Variants in RSRC1 observed in about 807,000 individuals in gnomAD.
The protein encoded by RSRC1 is arginine and serine rich coiled-coil 1, also known as serine/Arginine-related protein 53.
RSRC1 carries 39 observed loss-of-function variants against 49.1 expected under a neutral mutation model. That is an observed-to-expected ratio of 0.79 (90% CI 0.61 to 1.04). The LOEUF is 1.04. RSRC1 is among the 50% of genes least tolerant of loss of function. RSRC1 has a pLI of 0.00. For missense variants in RSRC1, 388 were observed against 402.4 expected, an observed-to-expected ratio of 0.96 and a Z score of 0.31; for synonymous variants, 143 against 130.8, an observed-to-expected ratio of 1.09 and a Z score of -0.63.
chr3:158,476,500 G>T lies in RSRC1; in HGVS notation c.652+15497G>T, dbSNP rs547267583. 1.2e-4 allele frequency among the ~76,000 whole-genome samples: 19 copies of T among 152,204 alleles called. No homozygotes were observed. In the South Asian group the frequency reaches 3.9e-3, roughly 32 times the overall value. On this transcript the variant is annotated intron_variant, in intron 7 of 9. Coordinates refer to ENST00000611884, the MANE Select transcript of RSRC1 (RefSeq NM_001271838.2). ...TGGTGACTTTAAGTTTGAAGCCAGT[G>T]CTCATTTCCCATTCCAAAAATCCTA... is the stretch of plus-strand genomic sequence containing the variant.
At chr3:158,453,377 G>A (rs957424790) in intron 6 of RSRC1, among the ~76,000 whole-genome samples, 14 of 134,454 alleles carry the variant, frequency 1.0e-4, no homozygotes, top group African/African-American at 2.7e-4. Flanking sequence ...TGTGTAGCCC[G>A]GAACCTTTTT....
chr3:158,253,803 TTG>T, intron 4 of RSRC1, among the ~76,000 whole-genome samples: 1 of 152,248 alleles, frequency 6.6e-6, no homozygotes, highest in East Asian at 1.9e-4. Flanking sequence ...TCCAGGGTAC[TTG>T]TGCAGAATAT....
chr3:158,304,722 C>G (rs1321181791), intron 5 of RSRC1, among the ~76,000 whole-genome samples: 2 of 152,208 alleles, frequency 1.3e-5, no homozygotes, highest in East Asian at 3.9e-4. Context: ...ATATTTTTCT[C>G]ACCTAAGACA....
chr3:158,441,449 GT>G (rs139663164), intron 6 of RSRC1, among the ~76,000 whole-genome samples: 20 of 149,024 alleles, frequency 1.3e-4, no homozygotes, highest in East Asian at 5.9e-4. Flanking sequence ...TATCAGTAGG[GT>G]TTTTTTTTTA....
intron 7 of RSRC1, among the ~76,000 whole-genome samples, chr3:158,516,306 C>A (rs1332878311): frequency 6.6e-6 from 1 of 151,966 alleles, no homozygotes; most frequent in South Asian, 2.1e-4. Flanking sequence ...TGTTAGTTTT[C>A]CTTCTAACAG....
At chr3:158,333,145 T>G (rs1729657009) in intron 5 of RSRC1, among the ~76,000 whole-genome samples, 1 of 152,270 alleles carries the variant, frequency 6.6e-6, no homozygotes, top group East Asian at 1.9e-4. Flanking sequence ...ATTTTTTGTA[T>G]TTTTAGTAGA....
intron 3 of RSRC1, among the ~76,000 whole-genome samples, chr3:158,147,969 A>G (rs1717252206): frequency 6.6e-6 from 1 of 152,222 alleles, no homozygotes; most frequent in Non-Finnish European, 1.5e-5. Flanking sequence ...CAATAACTAT[A>G]AAATTTTCTA....
At chr3:158,427,527 G>A (rs184767323) in intron 6 of RSRC1, among the ~76,000 whole-genome samples, 1 of 151,844 alleles carries the variant, frequency 6.6e-6, no homozygotes, top group African/African-American at 2.4e-5. Context: ...TAATCAGATT[G>A]ATTTCGCTTG....
At chr3:158,530,894 TAA>T (rs371856421) in intron 7 of RSRC1, among the ~76,000 whole-genome samples, 25 of 77,684 alleles carry the variant, frequency 3.2e-4, no homozygotes, top group East Asian at 1.0e-3. Context: ...TAGAGTATAA[TAA>T]AAAAAAAAAT....
intron 6 of RSRC1, among the ~76,000 whole-genome samples, chr3:158,460,456 C>T (rs6806967): frequency 0.19 from 28,413 of 151,650 alleles, 3,049 homozygotes; most frequent in South Asian, 0.27. Context: ...CAAATGCTGT[C>T]ATAACATGAA....
rs144812978 is a variant in RSRC1 at position 158,507,628 on chromosome 3, G to C, written c.653-29464G>C. Among the ~76,000 whole-genome samples the C allele has an allele frequency of 3.1e-3, 465 of 152,224 alleles. 3 individuals are homozygous for C. The highest frequency in any genetic ancestry group is 0.011 in the African/African-American group (449 of 41,524). On this transcript the variant is annotated intron_variant, in intron 7 of 9. Coordinates refer to ENST00000611884, the MANE Select transcript of RSRC1 (RefSeq NM_001271838.2). ...GCAGCATCTTGAAAGTTGATGGCCT[G>C]TCTTATGTATGAAATAAAATGTGAC...
chr3:158,243,520 G>A (rs1202874269), intron 4 of RSRC1, among the ~76,000 whole-genome samples: 1 of 152,072 alleles, frequency 6.6e-6, no homozygotes, highest in Admixed American at 6.6e-5. Context: ...GATTGCCTTG[G>A]CTATTGCAGC....
intron 6 of RSRC1, among the ~76,000 whole-genome samples, chr3:158,425,063 T>TA (rs1735330242): frequency 6.6e-6 from 1 of 151,680 alleles, no homozygotes; most frequent in Non-Finnish European, 1.5e-5. Flanking sequence ...GAAGGGTTTT[T>TA]TGTGTCTCTA....
At chr3:158,304,423 C>G (rs1430351305) in intron 5 of RSRC1, among the ~76,000 whole-genome samples, 1 of 152,036 alleles carries the variant, frequency 6.6e-6, no homozygotes, top group African/African-American at 2.4e-5. Context: ...TTTGGGGATT[C>G]AGTTAATATA....
At chr3:158,517,596 CTT>C (rs11341682) in intron 7 of RSRC1, among the ~76,000 whole-genome samples, 174 of 143,992 alleles carry the variant, frequency 1.2e-3, no homozygotes, top group African/African-American at 1.7e-3. Flanking sequence ...TTTTGTTAGA[CTT>C]TTTTTTTTTT....
Position 158,543,458 on chromosome 3 carries a change from CA to C in RSRC1, c.885del (p.Asp296MetfsTer25), listed in dbSNP as rs1013295652. 6.2e-7 allele frequency: 1 copy of C among 1,609,800 alleles called. No individual in the cohort carries two copies. The highest frequency in any genetic ancestry group is 8.5e-7 in the Non-Finnish European group (1 of 1,178,068). Reference protein sequence around the residue: ...PTSIPTAIKYQDDNSLAHPNL... With the variant: ...PTSIPTAIKYXDDNSLAHPNL... ...CAGCATCCCTACTGCTATCAAGTAC[CA>C]AGATGACAATTCCCTGGCCCATCCA... is the stretch of plus-strand genomic sequence containing the variant. On this transcript the variant is annotated frameshift_variant, in exon 9 of 10. Transcript: ENST00000611884. LOFTEE classifies it high-confidence loss of function.
In RSRC1 at chr3:158,298,032, A is replaced by G. The variant is rs1310584798; in HGVS notation, c.495-7A>G. 2 of 1,597,864 alleles carry G rather than the reference A, an allele frequency of 1.3e-6. No homozygotes were observed. Among genetic ancestry groups the G allele is most frequent in the African/African-American group, 2.7e-5 (2 of 74,624 alleles). On this transcript the variant is annotated splice_region_variant and splice_polypyrimidine_tract_variant and intron_variant, in intron 4 of 9. Transcript: ENST00000611884. Reference sequence around the variant, plus strand: ...AACTATTTAGAACTTTTACTCTTCTATTTTAGGGAATCTGGAAACATCAAA... The same window carrying G: ...AACTATTTAGAACTTTTACTCTTCTGTTTTAGGGAATCTGGAAACATCAAA...
chr3:158,408,723 CAT>C lies in RSRC1; in HGVS notation c.584-52211_584-52210del, dbSNP rs528512669. 5.1e-3 allele frequency among the ~76,000 whole-genome samples: 773 copies of C among 152,220 alleles called. 6 individuals are homozygous for C. Among genetic ancestry groups the C allele is most frequent in the Non-Finnish European group, 7.4e-3 (505 of 68,028 alleles). Reference sequence around the variant, plus strand: ...CACAGGAACAGAAAACCAAATACCACATGTTTTCACTTATAAGTGGGAGCCAG... The same window carrying C: ...CACAGGAACAGAAAACCAAATACCACGTTTTCACTTATAAGTGGGAGCCAG... On this transcript the variant is annotated intron_variant, in intron 6 of 9. Coordinates refer to ENST00000611884, the MANE Select transcript of RSRC1 (RefSeq NM_001271838.2).
chr3:158,162,440 T>G (rs1242300286), intron 3 of RSRC1, among the ~76,000 whole-genome samples: 2 of 152,182 alleles, frequency 1.3e-5, no homozygotes, highest in Non-Finnish European at 2.9e-5. Context: ...TCTGTAATGA[T>G]AAAGAATTAA....
Sources: allele counts gnomAD v4.1 joint callset (sites outside exome capture counted in the v4.1 genomes callset), GRCh38; gene constraint gnomAD v4.1.1; transcripts MANE v1.5; gene names NCBI Gene and HGNC (gene_info 2026-07-23, HGNC 2026-07-21).